The following FAM163A variants were observed in gnomAD, a reference collection of about 807,000 sequenced individuals.
FAM163A encodes the protein family with sequence similarity 163 member A.
Under a neutral mutation model 12.0 loss-of-function variants are expected in FAM163A, and 7 were observed. That is an observed-to-expected ratio of 0.58 (90% CI 0.33 to 1.10). FAM163A has a LOEUF of 1.10. Ranked by LOEUF, FAM163A falls within the 50% of genes least tolerant of loss-of-function variation. FAM163A has a pLI of 0.03. For missense variants in FAM163A, 202 were observed against 218.6 expected (o/e 0.92, Z 0.48); for synonymous variants, 101 against 91.0 (o/e 1.11, Z -0.62).
At chr1:179,748,510 C>T (rs765048090) in intron 1 of FAM163A, among the ~76,000 whole-genome samples, 1 of 152,176 alleles carries the variant, frequency 6.6e-6, no homozygotes, top group Non-Finnish European at 1.5e-5. Flanking sequence ...TGTCAAAGCC[C>T]TGAGAACACA....
chr1:179,793,118 T>C (rs898628502), intron 1 of FAM163A, among the ~76,000 whole-genome samples: 6 of 152,120 alleles, frequency 3.9e-5, no homozygotes, highest in Admixed American at 1.3e-4. Context: ...GACAAAGATA[T>C]CATAGCCTAT....
intron 1 of FAM163A, among the ~76,000 whole-genome samples, chr1:179,746,746 T>C (rs1222391554): frequency 1.3e-5 from 2 of 152,326 alleles, no homozygotes; most frequent in Admixed American, 1.3e-4. Context: ...CAGCTTAACA[T>C]TGTGGGGTGA....
chr1:179,802,554 C>G (rs988871696), intron 1 of FAM163A, among the ~76,000 whole-genome samples: 1 of 152,174 alleles, frequency 6.6e-6, no homozygotes, highest in African/African-American at 2.4e-5. Context: ...ACATGTGACA[C>G]CTTATGGCTG....
intron 1 of FAM163A, among the ~76,000 whole-genome samples, chr1:179,794,364 A>AC (rs1691963011): frequency 6.6e-6 from 1 of 152,136 alleles, no homozygotes; most frequent in African/African-American, 2.4e-5. Flanking sequence ...TATTAATAGT[A>AC]CCCCCATTCA....
chr1:179,735,604 C>T, the FAM163A span, among the ~76,000 whole-genome samples: 1 of 144,810 alleles, frequency 6.9e-6, no homozygotes, highest in South Asian at 2.3e-4. Flanking sequence ...CCCGGGTTCA[C>T]GCCATTCTCC....
chr1:179,790,249 G>A (rs1455984900), intron 1 of FAM163A, among the ~76,000 whole-genome samples: 4 of 106,778 alleles, frequency 3.7e-5, no homozygotes, highest in Non-Finnish European at 7.0e-5. Flanking sequence ...TTTTTGAGCT[G>A]CTGTTATGGG....
intron 1 of FAM163A, among the ~76,000 whole-genome samples, chr1:179,764,016 A>T (rs1168787359): frequency 1.3e-5 from 2 of 152,186 alleles, no homozygotes; most frequent in Admixed American, 1.3e-4. Context: ...AGACAGAGAG[A>T]GAGAGTGCAT....
intron 2 of FAM163A, among the ~76,000 whole-genome samples, chr1:179,809,386 T>C (rs973674416): frequency 2.0e-5 from 3 of 152,216 alleles, no homozygotes; most frequent in Admixed American, 2.0e-4. Context: ...GCAATCCTAC[T>C]GGCAAGGGAG....
intron 2 of FAM163A, among the ~76,000 whole-genome samples, chr1:179,809,666 C>T (rs538530337): frequency 6.6e-6 from 1 of 152,300 alleles, no homozygotes; most frequent in South Asian, 2.1e-4. Context: ...CCATAATTCC[C>T]TGTCTCCTAA....
chr1:179,777,571 C>T (rs1287492295), intron 1 of FAM163A, among the ~76,000 whole-genome samples: 1 of 152,162 alleles, frequency 6.6e-6, no homozygotes, highest in Non-Finnish European at 1.5e-5. Flanking sequence ...ATCAAGGTCA[C>T]CTGCCAGAAA....
intron 3 of FAM163A, among the ~76,000 whole-genome samples, chr1:179,812,503 C>T (rs1436721240): frequency 2.0e-5 from 3 of 152,182 alleles, no homozygotes; most frequent in East Asian, 1.9e-4. Context: ...AGATGTGGCC[C>T]TTTCCCCGCC....
chr1:179,782,557 G>C (rs1424393713), intron 1 of FAM163A, among the ~76,000 whole-genome samples: 1 of 152,092 alleles, frequency 6.6e-6, no homozygotes, highest in Non-Finnish European at 1.5e-5. Context: ...GATTCTCAGA[G>C]GCCGTTGGCC....
chr1:179,744,733 C>A (rs1377272640), intron 1 of FAM163A, among the ~76,000 whole-genome samples: 1 of 152,108 alleles, frequency 6.6e-6, no homozygotes, highest in South Asian at 2.1e-4. Context: ...CCTGGGCCCT[C>A]CCCCAGGGCG....
At chr1:179,793,965 G>C (rs1691900416) in intron 1 of FAM163A, among the ~76,000 whole-genome samples, 1 of 152,208 alleles carries the variant, frequency 6.6e-6, no homozygotes, top group Non-Finnish European at 1.5e-5. Context: ...TGAGTGAAGA[G>C]GGCCTGGTCC....
chr1:179,758,975 G>A (rs777832114), intron 1 of FAM163A, among the ~76,000 whole-genome samples: 1 of 152,266 alleles, frequency 6.6e-6, no homozygotes, highest in East Asian at 1.9e-4. Flanking sequence ...TCCATGCATC[G>A]ATTTTTCCAT....
chr1:179,760,309 A>G (rs1686641156), intron 1 of FAM163A, among the ~76,000 whole-genome samples: 1 of 152,172 alleles, frequency 6.6e-6, no homozygotes, highest in Admixed American at 6.5e-5. Flanking sequence ...TGTATGCCCA[A>G]TGTGTAAGGC....
chr1:179,800,864 G>A (rs1017292603), intron 1 of FAM163A, among the ~76,000 whole-genome samples: 7 of 152,140 alleles, frequency 4.6e-5, no homozygotes, highest in African/African-American at 1.7e-4. Flanking sequence ...AGGATGGAAC[G>A]GAAGAGAAGA....
chr1:179,741,756 T>C (rs138625940), upstream of FAM163A, among the ~76,000 whole-genome samples: 17 of 152,288 alleles, frequency 1.1e-4, no homozygotes, highest in East Asian at 2.3e-3. Flanking sequence ...TAGGGATACA[T>C]TACAAATTGG....
intron 1 of FAM163A, among the ~76,000 whole-genome samples, chr1:179,791,854 T>C (rs896503691): frequency 2.6e-5 from 4 of 152,196 alleles, no homozygotes; most frequent in African/African-American, 4.8e-5. Flanking sequence ...CCAATTATGA[T>C]TGGATGCTGG....
Sources: gnomAD v4.1 joint callset for allele counts (sites outside exome capture counted in the v4.1 genomes callset) on GRCh38, gnomAD v4.1.1 for gene constraint, MANE v1.5 for transcripts, NCBI Gene and HGNC (gene_info 2026-07-23, HGNC 2026-07-21) for gene names.